DPP6: variants seen among roughly 807,000 people sequenced by gnomAD.
DPP6 encodes A-type potassium channel modulatory protein DPP6.
DPP6 carries 69 observed loss-of-function variants against 122.6 expected under a neutral mutation model. That is an observed-to-expected ratio of 0.56 (90% CI 0.46 to 0.69). DPP6 has a LOEUF of 0.69. Ranked by LOEUF, DPP6 falls within the 30% of genes least tolerant of loss-of-function variation. The probability of loss-of-function intolerance (pLI) is 0.00; values close to 1 mark genes in which losing one functional copy is unlikely to be tolerated. For synonymous variants in DPP6, 418 were observed against 433.1 expected (o/e 0.97, Z 0.43); for missense variants, 928 against 1,116.9 (o/e 0.83, Z 2.41).
intron 1 of DPP6, among the ~76,000 whole-genome samples, chr7:154,317,984 A>G (rs1201867107): frequency 6.6e-6 from 1 of 152,186 alleles, no homozygotes; most frequent in East Asian, 1.9e-4. Flanking sequence ...GAAAATACTG[A>G]CTTTATGTTT....
At chr7:154,408,746 GAC>G (rs1251511474) in intron 1 of DPP6, among the ~76,000 whole-genome samples, 4 of 150,640 alleles carry the variant, frequency 2.7e-5, no homozygotes, top group Non-Finnish European at 5.9e-5. Context: ...TCTGGTCTAT[GAC>G]AGTTTCTCAG....
intron 1 of DPP6, among the ~76,000 whole-genome samples, chr7:154,253,195 T>C (rs1254183872): frequency 6.6e-6 from 1 of 152,130 alleles, no homozygotes; most frequent in East Asian, 1.9e-4. Flanking sequence ...CTTCTCTAGA[T>C]TAGTTGACTG....
intron 3 of DPP6, among the ~76,000 whole-genome samples, chr7:154,482,216 T>C (rs536565568): frequency 6.6e-6 from 1 of 151,734 alleles, no homozygotes; most frequent in East Asian, 2.0e-4. Flanking sequence ...TCATGAACAG[T>C]GTTGAGCCTG....
At chr7:154,332,986 G>A (rs756903661) in intron 1 of DPP6, among the ~76,000 whole-genome samples, 6 of 152,160 alleles carry the variant, frequency 3.9e-5, no homozygotes, top group Admixed American at 3.9e-4. Context: ...CGATGGGTCC[G>A]GGGAACAGCT....
chr7:154,175,721 C>CTTTTT (rs34496609), intron 1 of DPP6, among the ~76,000 whole-genome samples: 2 of 135,938 alleles, frequency 1.5e-5, no homozygotes, highest in Non-Finnish European at 3.1e-5. Flanking sequence ...TGGAGACTGG[C>CTTTTT]TTTTTTTTTT....
chr7:154,298,445 C>T (rs1805687544), intron 1 of DPP6, among the ~76,000 whole-genome samples: 1 of 152,140 alleles, frequency 6.6e-6, no homozygotes, highest in African/African-American at 2.4e-5. Flanking sequence ...CATTAAACTA[C>T]CCAGAAGCGA....
intron 7 of DPP6, among the ~76,000 whole-genome samples, chr7:154,716,322 C>T (rs1841480686): frequency 6.6e-6 from 1 of 152,328 alleles, no homozygotes; most frequent in Non-Finnish European, 1.5e-5. Context: ...CTGTCCCCCA[C>T]TCTTGCTGTG....
intron 1 of DPP6, among the ~76,000 whole-genome samples, chr7:154,409,997 ACAGT>A (rs1317238521): frequency 6.6e-6 from 1 of 152,262 alleles, no homozygotes; most frequent in African/African-American, 2.4e-5. Flanking sequence ...AAGCACAGGT[ACAGT>A]CATTCTCTGT....
intron 1 of DPP6, among the ~76,000 whole-genome samples, chr7:154,289,376 C>T (rs985421179): frequency 1.3e-5 from 2 of 152,082 alleles, no homozygotes; most frequent in Non-Finnish European, 2.9e-5. Context: ...TATGAAGAGC[C>T]CTTCCCATCT....
chr7:153,918,166 G>A (rs1440990713), intron 1 of DPP6, among the ~76,000 whole-genome samples: 3 of 152,080 alleles, frequency 2.0e-5, no homozygotes, highest in African/African-American at 7.2e-5. Context: ...GGAAATAACC[G>A]AGTCATAAAT....
rs141202834 is a variant in DPP6 at position 154,500,296 on chromosome 7, C to T, written c.457+25259C>T. Among the ~76,000 whole-genome samples, 20 of 152,262 alleles carry T rather than the reference C, an allele frequency of 1.3e-4. No individual in the cohort carries two copies. The East Asian group carries it at 2.3e-3, about 18-fold the overall frequency. ...CCATTCTAAAAAACATTGAATTGCA[C>T]ACTGTAAAATAGTTAAAATGATGAC... On this transcript the variant is annotated intron_variant, in intron 3 of 25. Coordinates refer to ENST00000377770, the MANE Select transcript of DPP6 (RefSeq NM_130797.4).
At chr7:154,078,946 CAAA>C (rs67950621) in intron 1 of DPP6, among the ~76,000 whole-genome samples, 22,891 of 112,294 alleles carry the variant, frequency 0.2, 1,779 homozygotes, top group East Asian at 0.4. Flanking sequence ...CATTCTTTTC[CAAA>C]AAAAAAAAAA....
chr7:154,785,454 T>C (rs975198576), intron 10 of DPP6, among the ~76,000 whole-genome samples: 1 of 152,236 alleles, frequency 6.6e-6, no homozygotes, highest in Admixed American at 6.5e-5. Context: ...TTCTACCCCC[T>C]CCATTTATAT....
chr7:154,626,694 A>C (rs954923425), intron 5 of DPP6, among the ~76,000 whole-genome samples: 2 of 152,242 alleles, frequency 1.3e-5, no homozygotes, highest in Non-Finnish European at 2.9e-5. Context: ...AGTGACTACT[A>C]TAAGTTAGTT....
chr7:154,875,137 G>A lies in DPP6; in HGVS notation c.1884-769G>A, dbSNP rs1176522214. Among the ~76,000 whole-genome samples, 1 of 151,736 alleles carries A rather than the reference G, an allele frequency of 6.6e-6. No individual in the cohort carries two copies. Among genetic ancestry groups the A allele is most frequent in the Non-Finnish European group, 1.5e-5 (1 of 67,926 alleles). On this transcript the variant is annotated intron_variant, in intron 19 of 25. Coordinates refer to ENST00000377770, the MANE Select transcript of DPP6 (RefSeq NM_130797.4). The surrounding 1 kb of genome is among the most constrained non-coding windows in gnomAD (Gnocchi z 4.5). ...AAAAAAGAAGAAAAGAAAAGAAAGA[G>A]AGAGAGAGAAGGAAAGAAGGAGGGG...
chr7:154,529,627 A>G (rs927292295), intron 3 of DPP6, among the ~76,000 whole-genome samples: 1 of 152,246 alleles, frequency 6.6e-6, no homozygotes, highest in African/African-American at 2.4e-5. Context: ...GAAAGCTATT[A>G]TAACTATCCT....
chr7:154,851,946 C>T (rs1204347867), intron 16 of DPP6, among the ~76,000 whole-genome samples: 1 of 152,174 alleles, frequency 6.6e-6, no homozygotes, highest in Non-Finnish European at 1.5e-5. Flanking sequence ...AGATAGGCCT[C>T]TTCTCTGATG....
At chr7:154,729,194 C>T (rs1305313897) in intron 8 of DPP6, among the ~76,000 whole-genome samples, 2 of 152,178 alleles carry the variant, frequency 1.3e-5, no homozygotes, top group African/African-American at 4.8e-5. Flanking sequence ...GGCTGATGAA[C>T]AACCCAAGCT....
Position 154,775,112 on chromosome 7 carries a change from A to G in DPP6, c.1136+2170A>G, listed in dbSNP as rs78338785. ...TGTGACCATCACAAATGTCTCCAGCATTGCCCAGTGTCCCCAGATTGAGGA... is the reference window on the plus strand; with the variant it reads ...TGTGACCATCACAAATGTCTCCAGCGTTGCCCAGTGTCCCCAGATTGAGGA... On this transcript the variant is annotated intron_variant, in intron 10 of 25. Coordinates refer to ENST00000377770, the MANE Select transcript of DPP6 (RefSeq NM_130797.4). Among the ~76,000 whole-genome samples the G allele has an allele frequency of 9.1e-3, 1,383 of 152,248 alleles. 18 individuals carry two copies. Among genetic ancestry groups the G allele is most frequent in the South Asian group, 0.016 (78 of 4,818 alleles).
Sources: gnomAD v4.1 joint callset for allele counts (sites outside exome capture counted in the v4.1 genomes callset) on GRCh38, gnomAD v4.1.1 for gene constraint, Gnocchi (gnomAD v3.1) non-coding constraint, MANE v1.5 for transcripts, NCBI Gene and HGNC (gene_info 2026-07-23, HGNC 2026-07-21) for gene names.